Variants in TARS3 observed in about 807,000 individuals in gnomAD.
The protein encoded by TARS3 is threonyl-tRNA synthetase 3, also known as threonine--tRNA ligase 2, cytoplasmic.
In TARS3, 94 loss-of-function variants were observed where a neutral mutation model predicts 103.5. The ratio of observed to expected loss-of-function variants is 0.91; its 90% CI spans 0.77 to 1.08. The LOEUF (loss-of-function observed/expected upper bound fraction) is 1.08, where lower values mean the gene tolerates loss of function less well. Among genes scored for constraint, TARS3 ranks in the 50% least tolerant of loss-of-function variants. TARS3 has a pLI of 0.00. For synonymous variants in TARS3, 416 were observed against 355.4 expected, an observed-to-expected ratio of 1.17 and a Z score of -1.92; for missense variants, 952 against 995.2, an observed-to-expected ratio of 0.96 and a Z score of 0.58.
intron 10 of TARS3, among the ~76,000 whole-genome samples, chr15:101,687,523 G>A (rs1292708347): frequency 2.0e-5 from 3 of 152,216 alleles, no homozygotes; most frequent in African/African-American, 4.8e-5. Flanking sequence ...GGGTGAGTGT[G>A]TGGGTGTGTG....
intron 1 of TARS3, 30 bp from the exon 2 acceptor site, chr15:101,723,194 C>T: frequency 6.3e-7 from 1 of 1,592,080 alleles, no homozygotes; most frequent in Non-Finnish European, 8.6e-7. Flanking sequence ...TGACTCACAT[C>T]AATGGCAAGA....
chr15:101,715,301 TAC>T (rs1248997495), intron 3 of TARS3, among the ~76,000 whole-genome samples: 48 of 151,244 alleles, frequency 3.2e-4, no homozygotes, highest in Non-Finnish European at 5.0e-4. Flanking sequence ...CGCCCGCCAC[TAC>T]GCGCGGCTAA....
chr15:101,667,834 TC>T (rs1403699628), intron 15 of TARS3, among the ~76,000 whole-genome samples: 2 of 152,324 alleles, frequency 1.3e-5, no homozygotes, highest in African/African-American at 4.8e-5. Context: ...CCTCAGGTGA[TC>T]CACCTGCCTC....
At chr15:101,676,230 T>C (rs1291775365) in intron 12 of TARS3, among the ~76,000 whole-genome samples, 1 of 152,186 alleles carries the variant, frequency 6.6e-6, no homozygotes, top group Non-Finnish European at 1.5e-5. Context: ...AATGTATGGA[T>C]TTTTTAGGCT....
At chr15:101,656,858 T>C in intron 18 of TARS3, 64 bp downstream of exon 18, 1 of 948,450 alleles carries the variant, frequency 1.1e-6, no homozygotes, top group Non-Finnish European at 1.6e-6. Flanking sequence ...ATTTCTTATT[T>C]GGTCTTTTGG....
chr15:101,665,390 GAAAAT>G (rs1236646564), intron 15 of TARS3, among the ~76,000 whole-genome samples: 2 of 152,088 alleles, frequency 1.3e-5, no homozygotes, highest in African/African-American at 4.8e-5. Context: ...TACTTTGCAA[GAAAAT>G]AAATTATATA....
intron 3 of TARS3, 49 bp downstream of exon 3, chr15:101,721,077 T>C (rs1900431424): frequency 2.7e-6 from 4 of 1,498,946 alleles, no homozygotes; most frequent in Non-Finnish European, 3.7e-6. Context: ...TTCACCAGGC[T>C]TCAGTATAAT....
rs1278619896 is a variant in TARS3 at position 101,653,991 on chromosome 15, T to C, written c.*591A>G. ...TCTAAAGCGGAACAAAACCTAATTA[T>C]GAATAAGAAACATTTAAATGGCAAC... On this transcript the variant is annotated 3_prime_UTR_variant, in exon 19 of 19. Transcript: ENST00000335968. The C allele has an allele frequency of 6.6e-6, 1 of 152,234 alleles. No homozygotes were observed. Among genetic ancestry groups the C allele is most frequent in the East Asian group, 1.9e-4 (1 of 5,202 alleles). 9.4% of individuals were successfully genotyped at this position (152,234 alleles called of 1,614,324 possible). A position where few individuals can be genotyped will look rare whatever the true frequency, so the allele number is the denominator to read the frequency against.
At position 101,724,412 on chromosome 15, in the gene TARS3, C is replaced by A; in HGVS notation, c.-25G>T. The A allele has an allele frequency of 7.2e-7, 1 of 1,385,796 alleles. No homozygotes were observed. 85.8% of individuals were successfully genotyped at this position (1,385,796 alleles called of 1,614,324 possible). A position where few individuals can be genotyped will look rare whatever the true frequency, so the allele number is the denominator to read the frequency against. On this transcript the variant is annotated 5_prime_UTR_variant, in exon 1 of 19. Transcript: ENST00000335968. ...TCGCGGCCTCCCTCAGGCACCGACGCCGAGCGGGGTGCCCGCGACTGCGGC... is the reference window on the plus strand; with the variant it reads ...TCGCGGCCTCCCTCAGGCACCGACGACGAGCGGGGTGCCCGCGACTGCGGC...
chr15:101,676,452 G>T (rs1476676837), intron 12 of TARS3, among the ~76,000 whole-genome samples: 1 of 152,136 alleles, frequency 6.6e-6, no homozygotes, highest in Non-Finnish European at 1.5e-5. Flanking sequence ...GAATTTGATG[G>T]ATTTGAGACA....
At chr15:101,715,202 A>G (rs868124654) in intron 3 of TARS3, among the ~76,000 whole-genome samples, 53 of 147,984 alleles carry the variant, frequency 3.6e-4, no homozygotes, top group Admixed American at 1.4e-3. Flanking sequence ...GCTGGAGTGC[A>G]GTGGCGGGAT....
In TARS3 at chr15:101,724,210, C is replaced by T. The variant is rs2141466032; in HGVS notation, c.178G>A (p.Glu60Lys). 2.0e-6 allele frequency: 3 copies of T among 1,530,296 alleles called. No homozygotes were observed. The highest frequency in any genetic ancestry group is 1.4e-5 in the African/African-American group (1 of 70,626). The allele number at this position is 1,530,296 out of a possible 1,614,324, so 94.8% of individuals were successfully genotyped here. Residue 60 changes from glutamate (E) to lysine (K), a missense_variant, in exon 1 of 19, where the codon GAG (glutamate) becomes AAG (lysine). Physicochemically the swap from Glu to Lys is moderately conservative, Grantham distance 56 (BLOSUM62 1). Transcript: ENST00000335968. ...AGGCGGTGGCGCAGGTCGCAGTTCTCGGCCCGGAGCTGCGCCACCTCCCGC... is the reference window on the plus strand; with the variant it reads ...AGGCGGTGGCGCAGGTCGCAGTTCTTGGCCCGGAGCTGCGCCACCTCCCGC... Reference protein sequence around the residue: ...LTREVAQLRAENCDLRHRLCS... With the variant: ...LTREVAQLRAKNCDLRHRLCS...
chr15:101,711,052 C>T (rs781085151), intron 5 of TARS3, among the ~76,000 whole-genome samples: 1 of 152,192 alleles, frequency 6.6e-6, no homozygotes, highest in Non-Finnish European at 1.5e-5. Context: ...ATCTGTGACA[C>T]ATCCCTGTCC....
intron 6 of TARS3, among the ~76,000 whole-genome samples, chr15:101,706,644 G>T (rs1899579056): frequency 6.6e-6 from 1 of 152,070 alleles, no homozygotes; most frequent in African/African-American, 2.4e-5. Flanking sequence ...CAAAAGCAAA[G>T]TTTATCGTAA....
intron 10 of TARS3, among the ~76,000 whole-genome samples, chr15:101,696,210 CAAAAAAAAA>C (rs57512244): frequency 0.03 from 2,459 of 81,688 alleles, 51 homozygotes; most frequent in Middle Eastern, 0.052. Flanking sequence ...GACTTTGTCT[CAAAAAAAAA>C]AAAAAAAAAA....
intron 15 of TARS3, 140 bp downstream of exon 15, chr15:101,671,346 T>C (rs1464948532): frequency 7.9e-6 from 5 of 631,154 alleles, no homozygotes; most frequent in East Asian, 5.7e-5. Context: ...AACTGGATTA[T>C]GATCAGGTAA....
intron 10 of TARS3, among the ~76,000 whole-genome samples, chr15:101,697,732 A>G (rs186003110): frequency 6.6e-6 from 1 of 152,268 alleles, no homozygotes; most frequent in Admixed American, 6.5e-5. Context: ...AGAATGATCT[A>G]CTGTAAGTGC....
chr15:101,702,357 G>T lies in TARS3; in HGVS notation c.1103C>A (p.Pro368Gln). The T allele has an allele frequency of 1.2e-6, 2 of 1,613,788 alleles. No individual in the cohort carries two copies. The highest frequency in any genetic ancestry group is 1.7e-6 in the Non-Finnish European group (2 of 1,179,776). The change falls in exon 9 of 19, where the codon CCG (proline) becomes CAG (glutamine). Residue 368 changes from proline to glutamine, a missense_variant. By Grantham distance (76) the Pro-to-Gln change is moderately conservative. Around this residue, in one of 2 missense-constraint regions of TARS3, gnomAD observed 540 missense variants for 631.0 expected, o/e 0.86. Transcript: ENST00000335968. ...KNSSTYWEGN[P>Q]EMETLQRIYG... The stretch of plus-strand genomic sequence containing the variant: ...GATCCTCTGCAATGTTTCCATTTCC[G>T]GATTGCCCTCCCAATATGTTGAGGA...
chr15:101,669,492 C>A (rs1272367616), intron 15 of TARS3, among the ~76,000 whole-genome samples: 1 of 152,160 alleles, frequency 6.6e-6, no homozygotes, highest in Non-Finnish European at 1.5e-5. Context: ...ACACTAATGT[C>A]CTCGGCCTTC....
Sources: gnomAD v4.1 joint callset for allele counts (sites outside exome capture counted in the v4.1 genomes callset) on GRCh38, gnomAD v4.1.1 for gene constraint, gnomAD v4.1.1 regional missense constraint, MANE v1.5 for transcripts, NCBI Gene and HGNC (gene_info 2026-07-23, HGNC 2026-07-21) for gene names.